Variants in KCNH1 observed in about 807,000 individuals in gnomAD.
KCNH1 encodes potassium voltage-gated channel subfamily H member 1, also known as voltage-gated delayed rectifier potassium channel KCNH1.
In KCNH1, 27 loss-of-function variants were observed where a neutral mutation model predicts 69.2. The observed-to-expected ratio is 0.39, with a 90% CI of 0.29 to 0.54. The LOEUF (loss-of-function observed/expected upper bound fraction) is 0.54. KCNH1 is among the 20% of genes least tolerant of loss of function. The pLI is 0.68. For synonymous variants in KCNH1, 456 were observed against 487.7 expected (o/e 0.93, Z 0.86); for missense variants, 798 against 1,261.6 (o/e 0.63, Z 5.57).
At chr1:210,781,209 A>T (rs1683975286) in intron 9 of KCNH1, among the ~76,000 whole-genome samples, 1 of 152,132 alleles carries the variant, frequency 6.6e-6, no homozygotes, top group Non-Finnish European at 1.5e-5. Flanking sequence ...TCACCTCAGC[A>T]CCTTCCACAC....
chr1:211,038,454 G>A (rs747980683), intron 5 of KCNH1, among the ~76,000 whole-genome samples: 86 of 152,282 alleles, frequency 5.6e-4, no homozygotes, highest in Admixed American at 2.4e-3. Flanking sequence ...AAAGATACCC[G>A]AAAATGTGGA....
chr1:210,815,925 C>G (rs998581770), intron 7 of KCNH1, among the ~76,000 whole-genome samples: 1 of 152,164 alleles, frequency 6.6e-6, no homozygotes, highest in African/African-American at 2.4e-5. Flanking sequence ...TTTAAAGTGT[C>G]TGATTTCTGT....
intron 7 of KCNH1, among the ~76,000 whole-genome samples, chr1:210,806,936 G>A (rs1331150283): frequency 6.9e-6 from 1 of 144,628 alleles, no homozygotes; most frequent in Non-Finnish European, 1.5e-5. Flanking sequence ...GAACCCAGGA[G>A]GCAGAGTTTG....
chr1:211,002,192 T>TATA (rs535394844), intron 6 of KCNH1, among the ~76,000 whole-genome samples: 2 of 151,620 alleles, frequency 1.3e-5, no homozygotes, highest in Non-Finnish European at 2.9e-5. Flanking sequence ...GAACTTAAAG[T>TATA]ATAATAATAA....
intron 9 of KCNH1, among the ~76,000 whole-genome samples, chr1:210,781,440 G>C (rs772473182): frequency 2.0e-4 from 30 of 152,034 alleles, no homozygotes; most frequent in Admixed American, 3.9e-4. Flanking sequence ...GGACAAGAGG[G>C]GTTTCTTCAT....
chr1:210,932,715 T>C (rs528772301), intron 6 of KCNH1, among the ~76,000 whole-genome samples: 3 of 152,242 alleles, frequency 2.0e-5, no homozygotes, highest in African/African-American at 7.2e-5. Flanking sequence ...AGCACACTTA[T>C]GTCAGATAAA....
At chr1:210,688,311 G>A (rs781438106) in intron 10 of KCNH1, among the ~76,000 whole-genome samples, 1 of 152,150 alleles carries the variant, frequency 6.6e-6, no homozygotes, top group Admixed American at 6.5e-5. Context: ...AACTGAAGGG[G>A]ACCTCTTGTC....
rs72751438 is a variant in KCNH1, at chr1:210,696,091, C to T, written c.2113-11953G>A. Among the ~76,000 whole-genome samples, 403 of 152,350 alleles carry T rather than the reference C, an allele frequency of 2.6e-3. 1 individual carries two copies. The highest frequency in any genetic ancestry group is 3.5e-3 in the Non-Finnish European group (237 of 68,030). On this transcript the variant is annotated intron_variant, in intron 10 of 10. Coordinates refer to ENST00000271751, the MANE Select transcript of KCNH1 (RefSeq NM_172362.3). ...GTTCTCAGCTGTGTACCTGGGCAGT[C>T]AGGGTGCAGCTCCACAGCTCTCCCC...
At chr1:210,874,648 T>C (rs902290027) in intron 7 of KCNH1, among the ~76,000 whole-genome samples, 8 of 152,188 alleles carry the variant, frequency 5.3e-5, no homozygotes, top group African/African-American at 1.7e-4. Context: ...TGCAGAACCA[T>C]GTCAGGCACA....
At chr1:210,798,721 A>C (rs2102401847) in intron 8 of KCNH1, among the ~76,000 whole-genome samples, 1 of 152,282 alleles carries the variant, frequency 6.6e-6, no homozygotes, top group East Asian at 1.9e-4. Flanking sequence ...TCCAGGTGAG[A>C]GGTGAGGGAA....
chr1:210,694,162 C>T (rs1238317835), intron 10 of KCNH1, among the ~76,000 whole-genome samples: 3 of 152,096 alleles, frequency 2.0e-5, no homozygotes, highest in Non-Finnish European at 4.4e-5. Context: ...AATGGGAAAG[C>T]CTAGAACCCC....
intron 2 of KCNH1, among the ~76,000 whole-genome samples, chr1:211,106,554 C>T (rs1691351671): frequency 6.6e-6 from 1 of 151,536 alleles, no homozygotes; most frequent in South Asian, 2.1e-4. Context: ...GAGGCCAAGG[C>T]GGGCAGACCA....
chr1:210,859,778 A>G, intron 7 of KCNH1: 1 of 1,012,126 alleles, frequency 9.9e-7, no homozygotes, highest in Admixed American at 1.7e-5. Context: ...CTGAGAACAC[A>G]CATCCTTCTG....
intron 6 of KCNH1, among the ~76,000 whole-genome samples, chr1:210,933,648 A>G (rs954913098): frequency 6.6e-6 from 1 of 152,174 alleles, no homozygotes; most frequent in African/African-American, 2.4e-5. Flanking sequence ...AGCTAAACCA[A>G]CTAGGAAAAA....
At chr1:210,720,874 G>A (rs1165137889) in intron 10 of KCNH1, among the ~76,000 whole-genome samples, 2 of 152,152 alleles carry the variant, frequency 1.3e-5, no homozygotes, top group Non-Finnish European at 2.9e-5. Context: ...ACAGGGTAGT[G>A]GGAGTAGAAG....
intron 7 of KCNH1, among the ~76,000 whole-genome samples, chr1:210,903,527 T>C (rs1180294315): frequency 1.3e-5 from 2 of 152,336 alleles, no homozygotes; most frequent in Middle Eastern, 3.4e-3. Context: ...GCAAAATTTT[T>C]TTCATGGATA....
At chr1:211,035,236 C>CTTTTTTTTTTT (rs765170558) in intron 5 of KCNH1, among the ~76,000 whole-genome samples, 6 of 75,056 alleles carry the variant, frequency 8.0e-5, no homozygotes, top group South Asian at 6.2e-4. Context: ...TACTGGCATT[C>CTTTTTTTTTTT]TTTTTTTTTT....
chr1:210,765,924 G>A (rs1770212), intron 10 of KCNH1, among the ~76,000 whole-genome samples: 53,873 of 151,792 alleles, frequency 0.35, 9,662 homozygotes, highest in Admixed American at 0.37. Context: ...TTAGCCGGGC[G>A]TGGTGGCAGG....
intron 1 of KCNH1, among the ~76,000 whole-genome samples, chr1:211,118,507 G>T (rs1370215867): frequency 2.0e-5 from 3 of 152,092 alleles, no homozygotes; most frequent in Non-Finnish European, 4.4e-5. Context: ...ACCCCCTAAG[G>T]GTCTATAGCT....
Sources: allele counts gnomAD v4.1 joint callset (sites outside exome capture counted in the v4.1 genomes callset), GRCh38; gene constraint gnomAD v4.1.1; transcripts MANE v1.5; gene names NCBI Gene and HGNC (gene_info 2026-07-23, HGNC 2026-07-21).